Variants in CEP250 observed in about 807,000 individuals in gnomAD.
The protein encoded by CEP250 is centrosomal protein 250.
CEP250 carries 242 observed loss-of-function variants against 315.7 expected under a neutral mutation model. The ratio of observed to expected loss-of-function variants is 0.77; its 90% CI spans 0.69 to 0.85. CEP250 has a LOEUF of 0.85. CEP250 is among the 40% of genes least tolerant of loss of function. The probability of loss-of-function intolerance (pLI) is 0.00; values close to 1 mark genes in which losing one functional copy is unlikely to be tolerated. For synonymous variants in CEP250, 1,088 were observed against 1,175.0 expected (o/e 0.93, Z 1.51); for missense variants, 2,515 against 2,886.4 (o/e 0.87, Z 2.95).
chr20:35,462,285 G>A lies in CEP250; in HGVS notation c.-83G>A, dbSNP rs932543345. 10 of 1,093,682 alleles carry A rather than the reference G, an allele frequency of 9.1e-6. No homozygotes were observed. The African/African-American group carries it at 1.4e-4, about 16-fold the overall frequency. 67.7% of individuals were successfully genotyped at this position (1,093,682 alleles called of 1,614,324 possible). On this transcript the variant is annotated 5_prime_UTR_variant, in exon 4 of 35. It introduces an in-frame stop codon into an upstream open reading frame of the 5' UTR. Transcript: ENST00000397527. ...CCCAGTTCAAGAGGAGGTTGAAGTGGCATGGCAATGGTTAGAGACCCTGCT... is the reference window on the plus strand; with the variant it reads ...CCCAGTTCAAGAGGAGGTTGAAGTGACATGGCAATGGTTAGAGACCCTGCT...
Position 35,480,060 on chromosome 20 carries a change from C to G in CEP250, c.2501C>G (p.Ala834Gly). Reference sequence around the variant, plus strand: ...CGGGATGCTGCAGCCAGACAGCTGGCCCAGGCTGAGCAAGAAGGGAAGACT... The same window carrying G: ...CGGGATGCTGCAGCCAGACAGCTGGGCCAGGCTGAGCAAGAAGGGAAGACT... ...QERDAAARQL[A>G]QAEQEGKTAL... Residue 834 changes from alanine to glycine, a missense_variant, in exon 20 of 35, where the codon GCC becomes GGC. By Grantham distance (60) the Ala-to-Gly change is moderately conservative. Coordinates refer to ENST00000397527, the MANE Select transcript of CEP250 (RefSeq NM_007186.6). The G allele has an allele frequency of 6.2e-7, 1 of 1,613,158 alleles. No individual in the cohort carries two copies. Among genetic ancestry groups the G allele is most frequent in the Non-Finnish European group, 8.5e-7 (1 of 1,180,010 alleles).
intron 27 of CEP250, among the ~76,000 whole-genome samples, chr20:35,499,089 A>G (rs2063929042): frequency 6.6e-6 from 1 of 152,192 alleles, no homozygotes. Context: ...AGCCTGGCCA[A>G]CATGGTGAAA....
chr20:35,489,688 G>A (rs1396392501), intron 20 of CEP250, among the ~76,000 whole-genome samples: 1 of 152,176 alleles, frequency 6.6e-6, no homozygotes, highest in African/African-American at 2.4e-5. Flanking sequence ...TTGGTTGCTG[G>A]AAGACCGCTA....
At position 35,477,873 on chromosome 20, in the gene CEP250, A is replaced by G. The variant is rs1568781915; in HGVS notation, c.1866A>G (p.Leu622=). 3.2e-6 allele frequency: 5 copies of G among 1,577,612 alleles called. No homozygotes were observed. In the South Asian group the frequency reaches 4.6e-5, roughly 15 times the overall value. The change falls in exon 17 of 35, where the codon TTA becomes TTG. Residue 622 remains leucine, a splice_region_variant and synonymous_variant. Transcript: ENST00000397527. ...KVGLNQQLLQ[L]EEENQSVCSR... is the part of the protein sequence containing the mutation. ...TCCCTTCCCTTTTTGGCCAGTAGTT[A>G]GAGGAGGAGAACCAGTCTGTGTGCA...
At chr20:35,499,555 C>G (rs1391687458) in intron 27 of CEP250, among the ~76,000 whole-genome samples, 1 of 152,194 alleles carries the variant, frequency 6.6e-6, no homozygotes, top group Non-Finnish European at 1.5e-5. Flanking sequence ...AAGACCTGGT[C>G]TCTGCCTAAA....
chr20:35,473,603 G>A, intron 13 of CEP250, 51 bp downstream of exon 13: 1 of 1,522,176 alleles, frequency 6.6e-7, no homozygotes, highest in African/African-American at 1.4e-5. Context: ...CTCAGTCTCA[G>A]TCACCATCCA....
chr20:35,487,529 T>C (rs1403482355), intron 20 of CEP250, among the ~76,000 whole-genome samples: 1 of 152,136 alleles, frequency 6.6e-6, no homozygotes, highest in East Asian at 1.9e-4. Flanking sequence ...TTCCATCTAC[T>C]GTCTGTCTCC....
chr20:35,482,379 C>A (rs1308640385), intron 20 of CEP250, among the ~76,000 whole-genome samples: 2 of 151,758 alleles, frequency 1.3e-5, no homozygotes, highest in Non-Finnish European at 2.9e-5. Flanking sequence ...CACAGGCGCT[C>A]ACCACCATGC....
At chr20:35,510,248 C>T (rs767902307) in intron 34 of CEP250, among the ~76,000 whole-genome samples, 194 bp downstream of exon 34, 15 of 152,186 alleles carry the variant, frequency 9.9e-5, no homozygotes, top group Admixed American at 7.9e-4. Flanking sequence ...TCCTGGCCCC[C>T]GACTTCCAAA....
intron 26 of CEP250, 143 bp from the exon 27 acceptor site, chr20:35,498,452 A>G (rs2063907677): frequency 9.8e-7 from 1 of 1,019,976 alleles, no homozygotes; most frequent in African/African-American, 1.6e-5. Flanking sequence ...TTATGGAGAA[A>G]ATATGTGATG....
chr20:35,497,186 T>C (rs947396890), intron 25 of CEP250, among the ~76,000 whole-genome samples: 1 of 152,158 alleles, frequency 6.6e-6, no homozygotes, highest in South Asian at 2.1e-4. Context: ...AAGAGCCAGA[T>C]GGTGGCTTGC....
In CEP250 at chr20:35,479,628, G is replaced by C; in HGVS notation, c.2289-18G>C. On this transcript the variant is annotated intron_variant, in intron 18 of 34. Transcript: ENST00000397527. Reference sequence around the variant, plus strand: ...GGCTTGATGGGTAAGAAACTCTTCTGATTCCTGAACCTCACAGCTCAGCCA... The same window carrying C: ...GGCTTGATGGGTAAGAAACTCTTCTCATTCCTGAACCTCACAGCTCAGCCA... The C allele has an allele frequency of 6.2e-7, 1 of 1,613,568 alleles. No individual in the cohort carries two copies. Among genetic ancestry groups the C allele is most frequent in the Non-Finnish European group, 8.5e-7 (1 of 1,179,668 alleles).
Position 35,475,533 on chromosome 20 carries a change from C to A in CEP250, c.1603C>A (p.Gln535Lys). 1 of 1,614,126 alleles carries A rather than the reference C, an allele frequency of 6.2e-7. No individual in the cohort carries two copies. The highest frequency in any genetic ancestry group is 1.1e-5 in the South Asian group (1 of 91,084). Reference sequence around the variant, plus strand: ...GATGCTGATGGGCCTGGAAGCCAAACAGTCAGAATCACTCAGTGAACTGAT... The same window carrying A: ...GATGCTGATGGGCCTGGAAGCCAAAAAGTCAGAATCACTCAGTGAACTGAT... ...QEMLMGLEAK[Q>K]SESLSELITL... Residue 535 changes from glutamine to lysine, a missense_variant, in exon 15 of 35, where the codon CAG (glutamine) becomes AAG (lysine). Physicochemically the swap from Gln to Lys is moderately conservative, Grantham distance 53. Coordinates refer to ENST00000397527, the MANE Select transcript of CEP250 (RefSeq NM_007186.6).
chr20:35,503,769 A>G lies in CEP250; in HGVS notation c.5400A>G (p.Ser1800=). 6.2e-7 allele frequency: 1 copy of G among 1,613,906 alleles called. No homozygotes were observed. The highest frequency in any genetic ancestry group is 8.5e-7 in the Non-Finnish European group (1 of 1,179,988). ...AREQGELKEQ[S]LQSQLDEAQR... ...AACAAGGGGAGCTGAAGGAGCAGTC[A>G]CTTCAGAGTCAACTGGATGAGGCCC... The change falls in exon 30 of 35, where the codon TCA becomes TCG. Residue 1800 remains serine, a synonymous_variant. Transcript: ENST00000397527. This position sits in a 1 kb window ranked among gnomAD's most constrained non-coding sequence, Gnocchi z 4.2.
chr20:35,477,688 A>T, intron 16 of CEP250, 183 bp from the exon 17 acceptor site: 3 of 605,246 alleles, frequency 5.0e-6, no homozygotes, highest in Non-Finnish European at 8.8e-6. Context: ...CATCCAGCCC[A>T]TCTAGTACCT....
At chr20:35,481,814 C>A (rs957615357) in intron 20 of CEP250, among the ~76,000 whole-genome samples, 2 of 152,058 alleles carry the variant, frequency 1.3e-5, no homozygotes. Flanking sequence ...GTGATCCTCC[C>A]ACCTCAGCCT....
intron 25 of CEP250, 126 bp from the exon 26 acceptor site, chr20:35,497,593 G>C: frequency 1.5e-6 from 1 of 685,136 alleles, no homozygotes; most frequent in East Asian, 2.7e-5. Context: ...CTGCCTGAGA[G>C]CTGAGCTGAA....
rs765473077 is a variant in CEP250 at position 35,503,393 on chromosome 20, C to T, written c.5024C>T (p.Thr1675Ile). The T allele has an allele frequency of 6.2e-7, 1 of 1,614,110 alleles. No homozygotes were observed. Among genetic ancestry groups the T allele is most frequent in the Non-Finnish European group, 8.5e-7 (1 of 1,180,018 alleles). Residue 1675 changes from threonine (T) to isoleucine (I), a missense_variant, in exon 30 of 35, where the codon ACC becomes ATC. Physicochemically the swap from Thr to Ile is moderately conservative, Grantham distance 89. Transcript: ENST00000397527. This position sits in a 1 kb window ranked among gnomAD's most constrained non-coding sequence, Gnocchi z 4.2. The stretch of plus-strand genomic sequence containing the variant: ...ATTCAGGTTCTCGAGGATCAGAGGA[C>T]CCGGCAGACCAAGATCCTGGAGGAG... Reference protein sequence around the residue: ...ERIQVLEDQRTRQTKILEEDL... With the variant: ...ERIQVLEDQRIRQTKILEEDL...
chr20:35,470,813 A>G (rs2063007611), intron 10 of CEP250, among the ~76,000 whole-genome samples: 1 of 152,234 alleles, frequency 6.6e-6, no homozygotes, highest in Non-Finnish European at 1.5e-5. Flanking sequence ...CAATGTCAAT[A>G]GCTAGAAGTT....
Sources: gnomAD v4.1 joint callset for allele counts (sites outside exome capture counted in the v4.1 genomes callset) on GRCh38, gnomAD v4.1.1 for gene constraint, Gnocchi (gnomAD v3.1) non-coding constraint, MANE v1.5 for transcripts, NCBI Gene and HGNC (gene_info 2026-07-23, HGNC 2026-07-21) for gene names.